The following RYR1 variants were observed in gnomAD, a reference collection of about 807,000 sequenced individuals.
The protein encoded by RYR1 is central core disease of muscle.
A neutral mutation model predicts 583.5 loss-of-function variants in RYR1; 342 were observed. The ratio of observed to expected loss-of-function variants is 0.59; its 90% CI spans 0.54 to 0.64. RYR1 has a LOEUF of 0.64. Ranked by LOEUF, RYR1 falls within the 30% of genes least tolerant of loss-of-function variation. RYR1 has a pLI of 0.00. For missense variants in RYR1, 6,032 were observed against 6,917.2 expected, an observed-to-expected ratio of 0.87 and a Z score of 4.54; for synonymous variants, 2,791 against 2,822.5, an observed-to-expected ratio of 0.99 and a Z score of 0.35.
rs550360145 is a variant in RYR1, at chr19:38,561,040, TAA to T, written c.12283-57_12283-56del. 47,580 of 1,095,852 alleles carry T rather than the reference TAA, an allele frequency of 0.043. No individual in the cohort carries two copies. The highest frequency in any genetic ancestry group is 0.052 in the East Asian group (1,863 of 36,162). The allele number at this position is 1,095,852 out of a possible 1,614,324, so 67.9% of individuals were successfully genotyped here. On this transcript the variant is annotated intron_variant, in intron 89 of 105. Coordinates refer to ENST00000359596, the MANE Select transcript of RYR1 (RefSeq NM_000540.3). This position sits in a 1 kb window ranked among gnomAD's most constrained non-coding sequence, Gnocchi z 4.8. ...TGGGCGACACAGCGAGACCTTGTCT[TAA>T]AAAAAAAAAAAAAAAGAGAGAGAAT... is the stretch of plus-strand genomic sequence containing the variant.
intron 66 of RYR1, among the ~76,000 whole-genome samples, chr19:38,518,001 C>T (rs1200173498): frequency 6.6e-6 from 1 of 152,036 alleles, no homozygotes; most frequent in Non-Finnish European, 1.5e-5. Context: ...TGCTTATAGT[C>T]CCAGCTACTT....
At chr19:38,506,755 A>C in intron 56 of RYR1, 74 bp from the exon 57 acceptor site, 1 of 1,606,998 alleles carries the variant, frequency 6.2e-7, no homozygotes, top group Non-Finnish European at 8.5e-7. Flanking sequence ...CATGCCGGGC[A>C]CTGCAGGAAC....
chr19:38,536,970 A>G (rs1163743065), intron 83 of RYR1: 12 of 623,580 alleles, frequency 1.9e-5, no homozygotes, highest in South Asian at 1.7e-4. Context: ...CTGAGAATAC[A>G]TGGGCCTGTG....
intron 76 of RYR1, among the ~76,000 whole-genome samples, chr19:38,530,338 C>G (rs1971675644): frequency 6.6e-6 from 1 of 151,924 alleles, no homozygotes; most frequent in African/African-American, 2.4e-5. Context: ...CAGCTCAGAC[C>G]CCCCACTCCA....
intron 76 of RYR1, among the ~76,000 whole-genome samples, chr19:38,529,893 C>T (rs368314250): frequency 5.3e-5 from 8 of 152,128 alleles, no homozygotes; most frequent in Non-Finnish European, 8.8e-5. Context: ...CTCACTTAAC[C>T]GCCACACTGT....
chr19:38,475,292 C>G, intron 28 of RYR1, 26 bp from the exon 29 acceptor site: 1 of 1,557,184 alleles, frequency 6.4e-7, no homozygotes, highest in Non-Finnish European at 8.7e-7. Context: ...AGCTGGCTCT[C>G]ATGGCGCCTC....
intron 31 of RYR1, among the ~76,000 whole-genome samples, chr19:38,482,071 C>T (rs1327738860): frequency 3.3e-5 from 5 of 152,116 alleles, no homozygotes; most frequent in Admixed American, 1.3e-4. Context: ...GCCTGGATGA[C>T]AGAGTGAGAC....
In RYR1 at chr19:38,568,581, C is replaced by CAAAAAAAAA. The variant is rs59369147; in HGVS notation, c.13659+677_13659+685dup. ...TGAAACCCCATCTCTACTAAAAATACAAAAAAAAAAAAAAAAAAAAATTAG... is the reference window on the plus strand; with the variant it reads ...TGAAACCCCATCTCTACTAAAAATACAAAAAAAAAAAAAAAAAAAAAAAAAAAAAATTAG... On this transcript the variant is annotated intron_variant, in intron 93 of 105. Coordinates refer to ENST00000359596, the MANE Select transcript of RYR1 (RefSeq NM_000540.3). Among the ~76,000 whole-genome samples, 39 of 64,226 alleles carry CAAAAAAAAA rather than the reference C, an allele frequency of 6.1e-4. 1 individual carries two copies. Among genetic ancestry groups the CAAAAAAAAA allele is most frequent in the Non-Finnish European group, 6.0e-4 (15 of 25,096 alleles). 42.1% of individuals were successfully genotyped at this position (64,226 alleles called of 152,430 possible). A position where few individuals can be genotyped will look rare whatever the true frequency, so the allele number is the denominator to read the frequency against.
intron 99 of RYR1, among the ~76,000 whole-genome samples, chr19:38,579,076 G>A (rs755722438): frequency 7.2e-5 from 11 of 151,954 alleles, no homozygotes; most frequent in Non-Finnish European, 1.2e-4. Flanking sequence ...AGCTGCATGT[G>A]CACCACTGCA....
chr19:38,475,167 T>C, intron 28 of RYR1, 151 bp from the exon 29 acceptor site: 1 of 1,035,218 alleles, frequency 9.7e-7, no homozygotes. Context: ...AATGGATTAG[T>C]CTGGGGTAGG....
intron 37 of RYR1, 49 bp from the exon 38 acceptor site, chr19:38,492,441 A>G: frequency 4.4e-6 from 7 of 1,608,958 alleles, no homozygotes; most frequent in Non-Finnish European, 6.0e-6. Context: ...TAAGCAGGTG[A>G]ATAAGCAAAC....
intron 89 of RYR1, among the ~76,000 whole-genome samples, chr19:38,556,980 A>G (rs995900819): frequency 2.2e-4 from 34 of 151,778 alleles, no homozygotes; most frequent in African/African-American, 8.2e-4. Context: ...TCCAGATGCC[A>G]GCAGCTGTTT....
intron 57 of RYR1, 103 bp downstream of exon 57, chr19:38,507,055 C>T: frequency 9.0e-6 from 14 of 1,556,916 alleles, no homozygotes; most frequent in Non-Finnish European, 1.2e-5. Context: ...AGGAACGGGG[C>T]CTGAGGAGCA....
At chr19:38,579,509 G>A (rs1343562462) in intron 99 of RYR1, among the ~76,000 whole-genome samples, 1 of 149,780 alleles carries the variant, frequency 6.7e-6, no homozygotes, top group East Asian at 2.0e-4. Context: ...TCCTTCACTT[G>A]AACCTGAGAG....
intron 81 of RYR1, chr19:38,535,631 T>A: frequency 1.6e-6 from 1 of 607,722 alleles, no homozygotes; most frequent in Non-Finnish European, 2.9e-6. Context: ...ACCAAAAACT[T>A]GAGAATTTAA....
At chr19:38,457,427 C>T in intron 16 of RYR1, 70 bp from the exon 17 acceptor site, 1 of 1,611,892 alleles carries the variant, frequency 6.2e-7, no homozygotes, top group Non-Finnish European at 8.5e-7. Flanking sequence ...GCTTCCCTCC[C>T]TCCCAGGGTT....
At position 38,525,320 on chromosome 19, in the gene RYR1, G is replaced by C. The variant is rs774192184; in HGVS notation, c.10456-12G>C. ...GGGGCTTGGGCTGGTGCTGAGCCCT[G>C]TGTCCCCACAGTCCGGTGGCTCGGA... On this transcript the variant is annotated splice_polypyrimidine_tract_variant and intron_variant, in intron 70 of 105. Coordinates refer to ENST00000359596, the MANE Select transcript of RYR1 (RefSeq NM_000540.3). 4.3e-6 allele frequency: 7 copies of C among 1,613,830 alleles called. No individual in the cohort carries two copies. The highest frequency in any genetic ancestry group is 5.9e-6 in the Non-Finnish European group (7 of 1,179,962).
intron 58 of RYR1, among the ~76,000 whole-genome samples, chr19:38,508,165 A>G (rs1327306078): frequency 1.3e-5 from 2 of 151,984 alleles, no homozygotes; most frequent in East Asian, 3.8e-4. Flanking sequence ...AGCCAGTTGT[A>G]ATTTTATTTT....
At chr19:38,481,315 CG>C (rs1968997937) in intron 31 of RYR1, among the ~76,000 whole-genome samples, 2 of 151,976 alleles carry the variant, frequency 1.3e-5, no homozygotes, top group African/African-American at 4.8e-5. Flanking sequence ...TTTGTAGAGA[CG>C]GTGTTTTGCC....
Sources: allele counts gnomAD v4.1 joint callset (sites outside exome capture counted in the v4.1 genomes callset), GRCh38; gene constraint gnomAD v4.1.1; non-coding constraint Gnocchi (gnomAD v3.1); transcripts MANE v1.5; gene names NCBI Gene and HGNC (gene_info 2026-07-23, HGNC 2026-07-21).